The following AGRN variants were observed in gnomAD, a reference collection of about 807,000 sequenced individuals.
AGRN encodes agrin proteoglycan.
In AGRN, 106 loss-of-function variants were observed where a neutral mutation model predicts 211.0. That is an observed-to-expected ratio of 0.50 (90% confidence interval 0.43 to 0.59). AGRN has a LOEUF of 0.59. Ranked by LOEUF, AGRN falls within the 20% of genes least tolerant of loss-of-function variation. AGRN has a pLI of 0.00. For synonymous variants in AGRN, 1,525 were observed against 1,332.5 expected (o/e 1.14, Z -3.15); for missense variants, 3,040 against 2,982.6 (o/e 1.02, Z -0.45).
chr1:1,032,937 T>C lies in AGRN; in HGVS notation c.464-2340T>C, dbSNP rs1644704068. Among the ~76,000 whole-genome samples, 1 of 151,958 alleles carries C rather than the reference T, an allele frequency of 6.6e-6. No individual in the cohort carries two copies. Among genetic ancestry groups the C allele is most frequent in the Non-Finnish European group, 1.5e-5 (1 of 67,956 alleles). On this transcript the variant is annotated intron_variant, in intron 2 of 35. Transcript: ENST00000379370. The surrounding 1 kb of genome is among the most constrained non-coding windows in gnomAD (Gnocchi z 4.7). ...ACACCGGACCGGACGGGCCCCTCCC[T>C]TACCCCCGGATCCCCCGGCTGGGCA...
In AGRN at chr1:1,049,917, G is replaced by C. The variant is rs752862781; in HGVS notation, c.4759G>C (p.Asp1587His). 11 of 1,610,612 alleles carry C rather than the reference G, an allele frequency of 6.8e-6. No homozygotes were observed. The highest frequency in any genetic ancestry group is 8.5e-6 in the Non-Finnish European group (10 of 1,179,214). ...CCTCCATCCAGGACCAACCTGTGCCGATGAGAAGAGCCCCTGCCAGCCCAA... is the reference window on the plus strand; with the variant it reads ...CCTCCATCCAGGACCAACCTGTGCCCATGAGAAGAGCCCCTGCCAGCCCAA... ...PPGRVGPTCADEKSPCQPNPC... is the reference protein window; with the variant it reads ...PPGRVGPTCAHEKSPCQPNPC... The change falls in exon 27 of 36, where the codon GAT (aspartate) becomes CAT (histidine). Residue 1587 changes from aspartate to histidine, a missense_variant. Coordinates refer to ENST00000379370, the MANE Select transcript of AGRN (RefSeq NM_198576.4).
chr1:1,046,504 G>A lies in AGRN; in HGVS notation c.3019G>A (p.Ala1007Thr). Residue 1007 changes from alanine (A) to threonine (T), a missense_variant, in exon 18 of 36, where the codon GCT (alanine) becomes ACT (threonine). Ala to Thr is a moderately conservative substitution (Grantham distance 58). Around this residue, in one of 3 missense-constraint regions of AGRN, gnomAD observed 1,537 missense variants for 1,505.0 expected, o/e 1.02. Coordinates refer to ENST00000379370, the MANE Select transcript of AGRN (RefSeq NM_198576.4). ...GGCCCCCCCCGGCGCCCTCCCCCTG[G>A]CTCCCAGCAGTACCGCACACAGCCA... ...LPAPPGALPL[A>T]PSSTAHSQTT... 1 of 1,610,522 alleles carries A rather than the reference G, an allele frequency of 6.2e-7. No homozygotes were observed. The highest frequency in any genetic ancestry group is 8.5e-7 in the Non-Finnish European group (1 of 1,178,738).
At chr1:1,047,291 G>C (rs1334651019) in intron 19 of AGRN, 36 bp from the exon 20 acceptor site, 2 of 1,566,702 alleles carry the variant, frequency 1.3e-6, no homozygotes, top group Non-Finnish European at 1.7e-6. Flanking sequence ...ATGCCAGGCA[G>C]ATGCCAGGCA....
chr1:1,044,291 C>T lies in AGRN; in HGVS notation c.2148+34C>T, dbSNP rs201573036. 91 of 1,612,344 alleles carry T rather than the reference C, an allele frequency of 5.6e-5. 1 individual carries two copies. The East Asian group carries it at 1.7e-3, about 30-fold the overall frequency. ...TGTACCCCTGGCTCTCGGCGGGCGGCGGGGACGGGGCTGCGGCCGCTCACA... is the reference window on the plus strand; with the variant it reads ...TGTACCCCTGGCTCTCGGCGGGCGGTGGGGACGGGGCTGCGGCCGCTCACA... On this transcript the variant is annotated intron_variant, in intron 11 of 35. Coordinates refer to ENST00000379370, the MANE Select transcript of AGRN (RefSeq NM_198576.4).
At chr1:1,020,674 C>T (rs564455551) in intron 1 of AGRN, among the ~76,000 whole-genome samples, 1 of 138,928 alleles carries the variant, frequency 7.2e-6, no homozygotes, top group East Asian at 2.0e-4. Context: ...AGGAGAGGGG[C>T]CTGGGGAGGG....
rs1453506418 is a variant in AGRN at position 1,046,415 on chromosome 1, C to T, written c.2930C>T (p.Thr977Ile). Reference protein sequence around the residue: ...GPCQEAVAPSTHPTSASVTVT... With the variant: ...GPCQEAVAPSIHPTSASVTVT... ...CTTGCAGAGGCTGTTGCTCCCAGCA[C>T]TCACCCGACATCTGCCTCCGTGACT... is the stretch of plus-strand genomic sequence containing the variant. Residue 977 changes from threonine (T) to isoleucine (I), a missense_variant, in exon 18 of 36, where the codon ACT becomes ATT. By Grantham distance (89) the Thr-to-Ile change is moderately conservative (BLOSUM62 -1). This residue lies in a region of AGRN where 1,498 missense variants were observed against 1,457.8 expected (regional missense o/e 1.03). Transcript: ENST00000379370. 3 of 1,612,358 alleles carry T rather than the reference C, an allele frequency of 1.9e-6. No homozygotes were observed. The highest frequency in any genetic ancestry group is 1.7e-5 in the Admixed American group (1 of 59,982).
chr1:1,048,963 G>A lies in AGRN; in HGVS notation c.4202G>A (p.Arg1401Gln), dbSNP rs777248655. ...YHTLRLALEF[R>Q]ALEPQGLLLY... ...ACGCTGCGCCTGGCACTGGAATTCC[G>A]GGCGCTGGAGCCTCAGGGGCTGCTG... Residue 1401 changes from arginine to glutamine, a missense_variant, in exon 24 of 36, where the codon CGG becomes CAG. Physicochemically the swap from Arg to Gln is conservative, Grantham distance 43 (BLOSUM62 1). Around this residue, in one of 3 missense-constraint regions of AGRN, gnomAD observed 1,537 missense variants for 1,505.0 expected, o/e 1.02. Coordinates refer to ENST00000379370, the MANE Select transcript of AGRN (RefSeq NM_198576.4). The surrounding 1 kb of genome is among the most constrained non-coding windows in gnomAD (Gnocchi z 5.9). 9.5e-6 allele frequency: 15 copies of A among 1,572,394 alleles called. No homozygotes were observed. The highest frequency in any genetic ancestry group is 2.3e-5 in the South Asian group (2 of 85,712).
chr1:1,048,789 A>T lies in AGRN; in HGVS notation c.4106-78A>T. ...TCTCAAAAAAAAAAAAAAAAAAAAA[A>T]GCAGGGGGCGGTTTCAGGGATAAAA... On this transcript the variant is annotated intron_variant, in intron 23 of 35. Transcript: ENST00000379370. This position sits in a 1 kb window ranked among gnomAD's most constrained non-coding sequence, Gnocchi z 5.9. The T allele has an allele frequency of 1.6e-6, 2 of 1,276,658 alleles. No homozygotes were observed. Among genetic ancestry groups the T allele is most frequent in the Non-Finnish European group, 2.0e-6 (2 of 979,830 alleles). The allele number at this position is 1,276,658 out of a possible 1,614,324, so 79.1% of individuals were successfully genotyped here. A position where few individuals can be genotyped will look rare whatever the true frequency, so the allele number is the denominator to read the frequency against.
At chr1:1,044,523 T>C in intron 12 of AGRN, 84 bp downstream of exon 12, 2 of 1,367,234 alleles carry the variant, frequency 1.5e-6, no homozygotes, top group Non-Finnish European at 2.0e-6. Context: ...GCCCGTGTGC[T>C]GCGTTGGGCC....
chr1:1,044,401 A>G lies in AGRN; in HGVS notation c.2216A>G (p.Gln739Arg), dbSNP rs938948615. 1.2e-6 allele frequency: 2 copies of G among 1,612,210 alleles called. No individual in the cohort carries two copies. Among genetic ancestry groups the G allele is most frequent in the African/African-American group, 2.7e-5 (2 of 74,896 alleles). Residue 739 changes from glutamine to arginine, a missense_variant, in exon 12 of 36, where the codon CAG becomes CGG. Physicochemically the swap from Gln to Arg is conservative, Grantham distance 43. Coordinates refer to ENST00000379370, the MANE Select transcript of AGRN (RefSeq NM_198576.4). ...CELKKARCES[Q>R]RGLYVAAQGA... ...CTGAAGAAGGCCAGGTGTGAGTCACAGCGAGGGCTCTACGTAGCGGCCCAG... is the reference window on the plus strand; with the variant it reads ...CTGAAGAAGGCCAGGTGTGAGTCACGGCGAGGGCTCTACGTAGCGGCCCAG...
chr1:1,042,990 C>A (rs572610021), intron 7 of AGRN, among the ~76,000 whole-genome samples: 33 of 152,120 alleles, frequency 2.2e-4, no homozygotes, highest in Non-Finnish European at 4.1e-4. Context: ...TGTGGACAAT[C>A]AGGAAGCCCC....
At position 1,049,929 on chromosome 1, in the gene AGRN, C is replaced by T. The variant is rs1406970952; in HGVS notation, c.4771C>T (p.Pro1591Ser). The T allele has an allele frequency of 2.5e-6, 4 of 1,611,786 alleles. No individual in the cohort carries two copies. Among genetic ancestry groups the T allele is most frequent in the African/African-American group, 2.7e-5 (2 of 74,906 alleles). ...VGPTCADEKS[P>S]CQPNPCHGAA... ...ACCAACCTGTGCCGATGAGAAGAGCCCCTGCCAGCCCAACCCCTGCCATGG... is the reference window on the plus strand; with the variant it reads ...ACCAACCTGTGCCGATGAGAAGAGCTCCTGCCAGCCCAACCCCTGCCATGG... The change falls in exon 27 of 36, where the codon CCC becomes TCC. Residue 1591 changes from proline to serine, a missense_variant. Pro to Ser is a moderately conservative substitution (Grantham distance 74). This residue lies in a region of AGRN where 1,537 missense variants were observed against 1,505.0 expected (regional missense o/e 1.02). Coordinates refer to ENST00000379370, the MANE Select transcript of AGRN (RefSeq NM_198576.4).
Position 1,031,909 on chromosome 1 carries a change from G to A in AGRN, c.464-3368G>A, listed in dbSNP as rs1263432390. 6.6e-6 allele frequency among the ~76,000 whole-genome samples: 1 copy of A among 152,228 alleles called. No homozygotes were observed. The highest frequency in any genetic ancestry group is 1.5e-5 in the Non-Finnish European group (1 of 68,042). Reference sequence around the variant, plus strand: ...GACTCAGAGCTGGGAGGTGAGAAATGGGGAATGCATGTGAACCACCTGCCT... The same window carrying A: ...GACTCAGAGCTGGGAGGTGAGAAATAGGGAATGCATGTGAACCACCTGCCT... On this transcript the variant is annotated intron_variant, in intron 2 of 35. Coordinates refer to ENST00000379370, the MANE Select transcript of AGRN (RefSeq NM_198576.4). This position sits in a 1 kb window ranked among gnomAD's most constrained non-coding sequence, Gnocchi z 4.8.
intron 2 of AGRN, among the ~76,000 whole-genome samples, chr1:1,028,604 G>T (rs1644576804): frequency 8.6e-6 from 1 of 116,010 alleles, no homozygotes; most frequent in Non-Finnish European, 1.9e-5. Context: ...TGGGCCAAGG[G>T]CGCCCACAGC....
chr1:1,046,953 C>T lies in AGRN; in HGVS notation c.3384C>T (p.Cys1128=). Residue 1128 remains cysteine, a synonymous_variant, in exon 19 of 36, where the codon TGC becomes TGT. Transcript: ENST00000379370. ...TPSLDAEGSN[C]PATKVFQGVL... is the part of the protein sequence containing the mutation. ...CGCTGGACGCAGAGGGCTCCAACTGCCCCGGTGAGTGGACGGCTGGGCGAG... is the reference window on the plus strand; with the variant it reads ...CGCTGGACGCAGAGGGCTCCAACTGTCCCGGTGAGTGGACGGCTGGGCGAG... The T allele has an allele frequency of 6.3e-7, 1 of 1,578,688 alleles. No homozygotes were observed. The highest frequency in any genetic ancestry group is 8.6e-7 in the Non-Finnish European group (1 of 1,163,180).
rs771755413 is a variant in AGRN, at chr1:1,051,578, C to T, written c.5496C>T (p.Cys1832=). ...ACCCCTGCCTCAATGGGGCCTCCTGCGTCCCGAGGGAGGCTGCCTATGTGT... is the reference window on the plus strand; with the variant it reads ...ACCCCTGCCTCAATGGGGCCTCCTGTGTCCCGAGGGAGGCTGCCTATGTGT... ...SGHPCLNGAS[C]VPREAAYVCL... The change falls in exon 32 of 36, where the codon TGC becomes TGT. Residue 1832 remains cysteine (C), a synonymous_variant. Coordinates refer to ENST00000379370, the MANE Select transcript of AGRN (RefSeq NM_198576.4). 56 of 1,597,020 alleles carry T rather than the reference C, an allele frequency of 3.5e-5. No homozygotes were observed. Among genetic ancestry groups the T allele is most frequent in the Non-Finnish European group, 4.4e-5 (52 of 1,170,748 alleles).
chr1:1,045,654 G>T (rs1015654215), intron 14 of AGRN, 79 bp from the exon 15 acceptor site: 2 of 1,610,600 alleles, frequency 1.2e-6, no homozygotes, highest in South Asian at 2.2e-5. Flanking sequence ...CAGAGCCAGG[G>T]TTGGGGACCA....
Position 1,042,169 on chromosome 1 carries a change from G to A in AGRN, c.1384+7G>A, listed in dbSNP as rs552044488. ...AAGCACCAGGGCCCGTGTGGTGAGCGCCCCGGGGTGGAGGCCAGGCGGGGT... is the reference window on the plus strand; with the variant it reads ...AAGCACCAGGGCCCGTGTGGTGAGCACCCCGGGGTGGAGGCCAGGCGGGGT... On this transcript the variant is annotated splice_region_variant and intron_variant, in intron 7 of 35. Coordinates refer to ENST00000379370, the MANE Select transcript of AGRN (RefSeq NM_198576.4). 1.2e-5 allele frequency: 19 copies of A among 1,587,794 alleles called. No individual in the cohort carries two copies. Among genetic ancestry groups the A allele is most frequent in the Admixed American group, 3.4e-5 (2 of 59,444 alleles).
rs76997051 is a variant in AGRN at position 1,048,793 on chromosome 1, G to A, written c.4106-74G>A. On this transcript the variant is annotated intron_variant, in intron 23 of 35. Coordinates refer to ENST00000379370, the MANE Select transcript of AGRN (RefSeq NM_198576.4). This position sits in a 1 kb window ranked among gnomAD's most constrained non-coding sequence, Gnocchi z 5.9. ...AAAAAAAAAAAAAAAAAAAAAAGCA[G>A]GGGGCGGTTTCAGGGATAAAAGTGG... 1 of 251,718 alleles carries A rather than the reference G, an allele frequency of 4.0e-6. No homozygotes were observed. Among genetic ancestry groups the A allele is most frequent in the Non-Finnish European group, 5.7e-6 (1 of 176,708 alleles). The allele number at this position is 251,718 out of a possible 1,614,324, so 15.6% of individuals were successfully genotyped here. A position where few individuals can be genotyped will look rare whatever the true frequency, so the allele number is the denominator to read the frequency against.
Sources: allele counts gnomAD v4.1 joint callset (sites outside exome capture counted in the v4.1 genomes callset), GRCh38; gene constraint gnomAD v4.1.1; regional missense constraint gnomAD v4.1.1; non-coding constraint Gnocchi (gnomAD v3.1); transcripts MANE v1.5; gene names NCBI Gene and HGNC (gene_info 2026-07-23, HGNC 2026-07-21).